Variants in PGM5 observed in about 807,000 individuals in gnomAD.
The protein encoded by PGM5 is phosphoglucomutase 5.
PGM5 carries 23 observed loss-of-function variants against 59.2 expected under a neutral mutation model. The observed-to-expected ratio is 0.39, with a 90% CI of 0.28 to 0.55. PGM5 has a LOEUF of 0.55. Among genes scored for constraint, PGM5 ranks in the 20% least tolerant of loss-of-function variants. The pLI is 0.66. For missense variants in PGM5, 574 were observed against 748.3 expected, an observed-to-expected ratio of 0.77 and a Z score of 2.72; for synonymous variants, 214 against 286.0, an observed-to-expected ratio of 0.75 and a Z score of 2.54.
chr9:68,411,625 T>C (rs1822935363), intron 6 of PGM5, among the ~76,000 whole-genome samples: 2 of 152,046 alleles, frequency 1.3e-5, no homozygotes, highest in South Asian at 2.1e-4. Flanking sequence ...TCAATAAACA[T>C]TTATTGAAAA....
chr9:68,390,298 T>G (rs1554679338), intron 4 of PGM5, among the ~76,000 whole-genome samples: 2 of 152,184 alleles, frequency 1.3e-5, no homozygotes, highest in Non-Finnish European at 2.9e-5. Flanking sequence ...TTGCTTTTTT[T>G]CCAAATAGTA....
At chr9:68,445,615 G>C (rs905174986) in intron 6 of PGM5, among the ~76,000 whole-genome samples, 10 of 152,176 alleles carry the variant, frequency 6.6e-5, no homozygotes, top group African/African-American at 2.4e-4. Context: ...CTCAAGTGTA[G>C]CCATTCAATA....
chr9:68,415,106 T>C (rs1382310124), intron 6 of PGM5, among the ~76,000 whole-genome samples: 1 of 149,588 alleles, frequency 6.7e-6, no homozygotes, highest in Non-Finnish European at 1.5e-5. Flanking sequence ...AATTCTTCTC[T>C]GGACTTTTCC....
intron 2 of PGM5, among the ~76,000 whole-genome samples, chr9:68,380,253 C>T (rs1334407537): frequency 1.3e-5 from 2 of 151,986 alleles, no homozygotes; most frequent in Non-Finnish European, 2.9e-5. Flanking sequence ...GTATTGTTTC[C>T]AACCACAATG....
intron 3 of PGM5, among the ~76,000 whole-genome samples, chr9:68,386,908 T>C (rs1822234559): frequency 6.6e-6 from 1 of 152,036 alleles, no homozygotes; most frequent in African/African-American, 2.4e-5. Context: ...AATTGGGTGC[T>C]AGATTGGGCA....
intron 10 of PGM5, among the ~76,000 whole-genome samples, chr9:68,508,835 C>T (rs1325227918): frequency 6.6e-6 from 1 of 152,254 alleles, no homozygotes; most frequent in Non-Finnish European, 1.5e-5. Context: ...CTACCCAGGT[C>T]TCATGAACTG....
intron 10 of PGM5, among the ~76,000 whole-genome samples, chr9:68,511,279 G>A (rs115474830): frequency 1.3e-5 from 2 of 152,160 alleles, no homozygotes; most frequent in African/African-American, 4.8e-5. Context: ...GTATCTTACT[G>A]CTACAAAGAG....
At chr9:68,427,070 G>A (rs1823251107) in intron 6 of PGM5, 1 of 152,226 alleles carries the variant, frequency 6.6e-6, no homozygotes, top group South Asian at 2.1e-4. Flanking sequence ...TTTTAACAAT[G>A]TCAGGCACTG....
At chr9:68,404,543 G>C (rs1554680940) in intron 6 of PGM5, among the ~76,000 whole-genome samples, 1 of 152,156 alleles carries the variant, frequency 6.6e-6, no homozygotes, top group African/African-American at 2.4e-5. Flanking sequence ...TGAGATGCCC[G>C]AGCCTAGGAA....
intron 9 of PGM5, among the ~76,000 whole-genome samples, chr9:68,489,418 A>G (rs1356637631): frequency 6.8e-6 from 1 of 146,984 alleles, no homozygotes; most frequent in Non-Finnish European, 1.5e-5. Context: ...ACTCATCCTA[A>G]TCCTATGTTG....
At chr9:68,486,296 T>C (rs1564018797) in intron 9 of PGM5, among the ~76,000 whole-genome samples, 1 of 152,198 alleles carries the variant, frequency 6.6e-6, no homozygotes, top group Non-Finnish European at 1.5e-5. Flanking sequence ...ATATACCAGA[T>C]GGTTCTCTCA....
chr9:68,421,250 GCTT>G (rs1554682319), intron 6 of PGM5, among the ~76,000 whole-genome samples: 1 of 152,186 alleles, frequency 6.6e-6, no homozygotes, highest in Non-Finnish European at 1.5e-5. Flanking sequence ...CCTAGGGCCT[GCTT>G]CTTCTCTCAC....
At chr9:68,382,524 C>T (rs183807) in intron 2 of PGM5, among the ~76,000 whole-genome samples, 2,388 of 151,770 alleles carry the variant, frequency 0.016, 76 homozygotes, top group African/African-American at 0.054. Context: ...CTACCTCAAA[C>T]TAAAAAGCTT....
intron 10 of PGM5, among the ~76,000 whole-genome samples, chr9:68,521,035 C>A (rs115196828): frequency 0.012 from 1,789 of 152,262 alleles, 34 homozygotes; most frequent in African/African-American, 0.04. Context: ...ACTTTTCCCT[C>A]AGTATAAGGG....
At chr9:68,432,085 ATCC>A (rs1823360153) in intron 6 of PGM5, among the ~76,000 whole-genome samples, 1 of 152,152 alleles carries the variant, frequency 6.6e-6, no homozygotes, top group African/African-American at 2.4e-5. Flanking sequence ...TTTTAAAAAA[ATCC>A]CTCTTCCTAT....
intron 6 of PGM5, among the ~76,000 whole-genome samples, chr9:68,411,015 C>T (rs1447036228): frequency 1.3e-5 from 2 of 152,202 alleles, no homozygotes; most frequent in African/African-American, 2.4e-5. Context: ...CCCTCACATA[C>T]GATGTGGTCT....
intron 6 of PGM5, among the ~76,000 whole-genome samples, chr9:68,456,096 G>A (rs782281189): frequency 4.6e-5 from 7 of 152,036 alleles, no homozygotes; most frequent in Non-Finnish European, 7.4e-5. Flanking sequence ...CTTCTTGTGC[G>A]CGTGTGTTCA....
chr9:68,525,905 A>C (rs1231499980), intron 10 of PGM5, among the ~76,000 whole-genome samples: 2 of 152,010 alleles, frequency 1.3e-5, no homozygotes, highest in Non-Finnish European at 2.9e-5. Context: ...AAATACAAAA[A>C]ATTATCCGAG....
intron 10 of PGM5, among the ~76,000 whole-genome samples, chr9:68,505,339 C>T (rs187848816): frequency 1.3e-5 from 2 of 152,224 alleles, no homozygotes; most frequent in African/African-American, 4.8e-5. Context: ...TCCCTGACAC[C>T]AACTGGGTGC....
Sources: allele counts gnomAD v4.1 joint callset (sites outside exome capture counted in the v4.1 genomes callset), GRCh38; gene constraint gnomAD v4.1.1; transcripts MANE v1.5; gene names NCBI Gene and HGNC (gene_info 2026-07-23, HGNC 2026-07-21).